Variants in GLIS3 observed in about 807,000 individuals in gnomAD.
GLIS3 encodes the protein zinc finger protein GLIS3.
In GLIS3, 53 loss-of-function variants were observed where a neutral mutation model predicts 78.6. The observed-to-expected ratio is 0.67, with a 90% confidence interval of 0.54 to 0.85. The LOEUF is 0.85. Ranked by LOEUF, GLIS3 falls within the 40% of genes least tolerant of loss-of-function variation. The pLI is 0.00. For missense variants in GLIS3, 1,703 were observed against 1,231.1 expected, an observed-to-expected ratio of 1.38 and a Z score of -5.74; for synonymous variants, 684 against 509.9, an observed-to-expected ratio of 1.34 and a Z score of -4.60.
chr9:4,144,441 C>T (rs1338641120), intron 2 of GLIS3, among the ~76,000 whole-genome samples: 1 of 152,178 alleles, frequency 6.6e-6, no homozygotes, highest in Non-Finnish European at 1.5e-5. Context: ...TCAGGTTTCT[C>T]GTTTCTGTGT....
chr9:4,444,544 C>A, the GLIS3 span, among the ~76,000 whole-genome samples: 7 of 152,210 alleles, frequency 4.6e-5, no homozygotes, highest in Non-Finnish European at 7.3e-5. Context: ...ACTTCAAACT[C>A]GCCCACATAT....
chr9:3,829,546 G>A (rs535926925), intron 9 of GLIS3, 54 bp from the exon 10 acceptor site: 89 of 1,593,008 alleles, frequency 5.6e-5, no homozygotes, highest in Admixed American at 5.0e-4. Context: ...AAGTTCCACA[G>A]ATCATTCCAA....
chr9:3,964,182 A>G (rs1289501509), intron 4 of GLIS3, among the ~76,000 whole-genome samples: 3 of 152,252 alleles, frequency 2.0e-5, no homozygotes, highest in East Asian at 1.9e-4. Flanking sequence ...ACTAATTTAC[A>G]GAATCATCAT....
intron 3 of GLIS3, among the ~76,000 whole-genome samples, chr9:4,125,445 T>C (rs979531527): frequency 1.3e-5 from 2 of 152,198 alleles, no homozygotes; most frequent in African/African-American, 2.4e-5. Flanking sequence ...TTGACAAATT[T>C]ACACACCGTG....
At position 4,055,099 on chromosome 9, in the gene GLIS3, C is replaced by A. The variant is rs150434991; in HGVS notation, c.1710+62669G>T. Among the ~76,000 whole-genome samples, 434 of 152,282 alleles carry A rather than the reference C, an allele frequency of 2.8e-3. 4 individuals are homozygous for A. The highest frequency in any genetic ancestry group is 7.9e-3 in the Admixed American group (121 of 15,286). ...AAGGGGAGAATGAAAGAAGGCAATG[C>A]CTTTTTCATCTTTCTCCTTTCCATT... On this transcript the variant is annotated intron_variant, in intron 4 of 10. Transcript: ENST00000381971.
the GLIS3 span, among the ~76,000 whole-genome samples, chr9:4,412,598 T>G: frequency 6.6e-6 from 1 of 152,222 alleles, no homozygotes; most frequent in East Asian, 1.9e-4. Context: ...TATTTGGCAC[T>G]GGGTGAAGGG....
chr9:4,063,793 C>T (rs1466969543), intron 4 of GLIS3, among the ~76,000 whole-genome samples: 1 of 152,070 alleles, frequency 6.6e-6, no homozygotes, highest in East Asian at 1.9e-4. Flanking sequence ...ACAAAATCAT[C>T]ATAGAAAAAT....
At chr9:3,968,823 T>C (rs902815518) in intron 4 of GLIS3, among the ~76,000 whole-genome samples, 12 of 152,234 alleles carry the variant, frequency 7.9e-5, no homozygotes, top group Non-Finnish European at 4.4e-5. Flanking sequence ...AAAGAAAGTC[T>C]GAATTACCAA....
At chr9:4,083,586 G>A (rs2130711172) in intron 4 of GLIS3, among the ~76,000 whole-genome samples, 1 of 152,288 alleles carries the variant, frequency 6.6e-6, no homozygotes, top group African/African-American at 2.4e-5. Context: ...CTATAGGTAG[G>A]AACTTTTTAG....
At chr9:4,410,360 A>T in the GLIS3 span, among the ~76,000 whole-genome samples, 1 of 152,238 alleles carries the variant, frequency 6.6e-6, no homozygotes, top group African/African-American at 2.4e-5. Context: ...TCTCTTTAGC[A>T]TAGAGCTATG....
intron 4 of GLIS3, among the ~76,000 whole-genome samples, chr9:3,972,862 T>C (rs749589331): frequency 1.1e-4 from 17 of 152,206 alleles, no homozygotes; most frequent in Non-Finnish European, 1.6e-4. Context: ...GTAATACTTC[T>C]TCCCAAAACA....
Position 3,959,884 on chromosome 9 carries a change from G to C in GLIS3, c.1711-22695C>G, listed in dbSNP as rs568919726. 2.6e-5 allele frequency among the ~76,000 whole-genome samples: 4 copies of C among 152,346 alleles called. No individual in the cohort carries two copies. The East Asian group carries it at 7.7e-4, about 29-fold the overall frequency. ...GAGGAAATTTGGGCCGGGAGCCTTG[G>C]CTCAAGCCTGTAATCCCAGCACTTT... On this transcript the variant is annotated intron_variant, in intron 4 of 10. Coordinates refer to ENST00000381971, the MANE Select transcript of GLIS3 (RefSeq NM_001042413.2).
chr9:3,932,195 C>A (rs1428071115), intron 6 of GLIS3, among the ~76,000 whole-genome samples, 165 bp downstream of exon 6: 1 of 147,852 alleles, frequency 6.8e-6, no homozygotes, highest in Admixed American at 6.7e-5. Flanking sequence ...CTATGCAAAC[C>A]ATAGCCTTGC....
chr9:3,936,687 C>G (rs1825915809), intron 5 of GLIS3, among the ~76,000 whole-genome samples: 1 of 152,124 alleles, frequency 6.6e-6, no homozygotes, highest in Non-Finnish European at 1.5e-5. Context: ...GACTTGATAT[C>G]TCAATACTGT....
chr9:3,940,724 G>A (rs1346101635), intron 4 of GLIS3, among the ~76,000 whole-genome samples: 1 of 152,230 alleles, frequency 6.6e-6, no homozygotes, highest in African/African-American at 2.4e-5. Flanking sequence ...AACGCAGGGT[G>A]ACAGTGTGGG....
At chr9:4,036,690 T>C (rs551792642) in intron 4 of GLIS3, among the ~76,000 whole-genome samples, 56 of 152,282 alleles carry the variant, frequency 3.7e-4, no homozygotes, top group African/African-American at 1.3e-3. Flanking sequence ...TACCTGAGAA[T>C]TTTTTCCTTG....
At chr9:4,033,974 C>G (rs1258063228) in intron 4 of GLIS3, among the ~76,000 whole-genome samples, 1 of 150,212 alleles carries the variant, frequency 6.7e-6, no homozygotes, top group African/African-American at 2.5e-5. Context: ...ATAATTCTAG[C>G]ACTTTGGGAG....
chr9:4,470,784 T>C, the GLIS3 span, among the ~76,000 whole-genome samples: 921 of 150,480 alleles, frequency 6.1e-3, 8 homozygotes, highest in African/African-American at 0.022. Context: ...AAATAAAGGG[T>C]ATTCAATTAG....
intron 4 of GLIS3, among the ~76,000 whole-genome samples, chr9:4,013,984 G>C (rs763834610): frequency 6.6e-6 from 1 of 152,124 alleles, no homozygotes; most frequent in Non-Finnish European, 1.5e-5. Context: ...ACTTCTTCAT[G>C]CAATGGTACC....
Sources: gnomAD v4.1 joint callset for allele counts (sites outside exome capture counted in the v4.1 genomes callset) on GRCh38, gnomAD v4.1.1 for gene constraint, MANE v1.5 for transcripts, NCBI Gene and HGNC (gene_info 2026-07-23, HGNC 2026-07-21) for gene names.